The following C1QTNF7 variants were observed in gnomAD, a reference collection of about 807,000 sequenced individuals.
C1QTNF7 encodes C1q and TNF related 7.
C1QTNF7 carries 15 observed loss-of-function variants against 19.6 expected under a neutral mutation model. The observed-to-expected ratio is 0.76, with a 90% CI of 0.51 to 1.18. The LOEUF is 1.18. Among genes scored for constraint, C1QTNF7 ranks in the 50% most tolerant of loss-of-function variants. The probability of loss-of-function intolerance (pLI) is 0.00; values close to 1 mark genes in which losing one functional copy is unlikely to be tolerated. For synonymous variants in C1QTNF7, 142 were observed against 137.5 expected (o/e 1.03, Z -0.23); for missense variants, 324 against 359.7 (o/e 0.90, Z 0.80).
chr4:15,440,869 C>T (rs1009226256), intron 2 of C1QTNF7, among the ~76,000 whole-genome samples: 4 of 152,040 alleles, frequency 2.6e-5, no homozygotes, highest in Admixed American at 6.6e-5. Flanking sequence ...CCGGGCATGG[C>T]GGCTCAGGAC....
rs536775451 is a variant in C1QTNF7 at position 15,400,302 on chromosome 4, G to A, written c.14-35434G>A. 5.9e-5 allele frequency among the ~76,000 whole-genome samples: 9 copies of A among 152,314 alleles called. No homozygotes were observed. In the South Asian group the frequency reaches 1.0e-3, roughly 18 times the overall value. On this transcript the variant is annotated intron_variant, in intron 1 of 2. Coordinates refer to the C1QTNF7 transcript ENST00000295297. ...AAGATCTAAAGGCAGCAGCTCCCAC[G>A]GCTCTTTGAGGGATATAGATGATCA...
At chr4:15,379,175 T>G (rs6830482) in intron 1 of C1QTNF7, among the ~76,000 whole-genome samples, 73,219 of 151,992 alleles carry the variant, frequency 0.48, 19,244 homozygotes, top group African/African-American at 0.69. Context: ...AATTTTTTTG[T>G]AAACAAGTTC....
intron 1 of C1QTNF7, among the ~76,000 whole-genome samples, chr4:15,347,326 T>C (rs1180041242): frequency 6.6e-6 from 1 of 152,196 alleles, no homozygotes; most frequent in Non-Finnish European, 1.5e-5. Flanking sequence ...TCACCCTTCT[T>C]AATGTCTCGC....
chr4:15,365,657 G>A (rs978990690), intron 1 of C1QTNF7, among the ~76,000 whole-genome samples: 3 of 152,142 alleles, frequency 2.0e-5, no homozygotes, highest in African/African-American at 7.2e-5. Context: ...ATGTGTGTAG[G>A]ATCCAGGGGC....
Position 15,341,736 on chromosome 4 carries a change from G to A in C1QTNF7, c.13+1529G>A, listed in dbSNP as rs547034990. Among the ~76,000 whole-genome samples, 5 of 152,278 alleles carry A rather than the reference G, an allele frequency of 3.3e-5. 1 individual carries two copies. The South Asian group carries it at 6.2e-4, about 19-fold the overall frequency. The stretch of plus-strand genomic sequence containing the variant: ...CTCTCGGACCATCCCCAGGCTGGTC[G>A]GGGAAGCCCCCACCCTATTTGGAGT... On this transcript the variant is annotated intron_variant, in intron 1 of 2. Coordinates refer to the C1QTNF7 transcript ENST00000295297.
chr4:15,367,318 A>C (rs992016163), intron 1 of C1QTNF7, among the ~76,000 whole-genome samples: 3 of 152,250 alleles, frequency 2.0e-5, no homozygotes, highest in African/African-American at 7.2e-5. Flanking sequence ...AACTCCACTT[A>C]GGAAGCAAAT....
intron 1 of C1QTNF7, among the ~76,000 whole-genome samples, chr4:15,348,886 A>T (rs2109284761): frequency 6.6e-6 from 1 of 152,314 alleles, no homozygotes; most frequent in African/African-American, 2.4e-5. Flanking sequence ...TCCTAAATCA[A>T]CATGAACAGG....
intron 1 of C1QTNF7, among the ~76,000 whole-genome samples, chr4:15,345,067 C>T (rs550384977): frequency 6.6e-6 from 1 of 152,314 alleles, no homozygotes; most frequent in Non-Finnish European, 1.5e-5. Context: ...AAGTCTGAAT[C>T]TTATAAACAC....
chr4:15,405,566 A>G (rs1215329506), intron 1 of C1QTNF7, among the ~76,000 whole-genome samples: 2 of 152,178 alleles, frequency 1.3e-5, no homozygotes, highest in East Asian at 3.8e-4. Context: ...TGAGACCTGA[A>G]AGGCTCAGAG....
intron 1 of C1QTNF7, among the ~76,000 whole-genome samples, chr4:15,417,070 C>A (rs576809991): frequency 2.4e-4 from 36 of 152,218 alleles, no homozygotes; most frequent in Middle Eastern, 3.4e-3. Context: ...AAATACCCAC[C>A]TTTTATTCTT....
intron 1 of C1QTNF7, among the ~76,000 whole-genome samples, chr4:15,430,430 C>G (rs373716349): frequency 3.3e-5 from 5 of 152,240 alleles, no homozygotes; most frequent in African/African-American, 1.2e-4. Flanking sequence ...CTAAAAAATA[C>G]AAAAGTTAGC....
intron 1 of C1QTNF7, among the ~76,000 whole-genome samples, chr4:15,401,969 A>C (rs1719011357): frequency 6.6e-6 from 1 of 152,246 alleles, no homozygotes; most frequent in African/African-American, 2.4e-5. Context: ...ACAGAAAAAA[A>C]GGAACAGGAA....
At chr4:15,389,671 G>A (rs1010809757) in intron 1 of C1QTNF7, among the ~76,000 whole-genome samples, 1 of 151,974 alleles carries the variant, frequency 6.6e-6, no homozygotes, top group Non-Finnish European at 1.5e-5. Context: ...CACCTACCTC[G>A]GCCTCCCAAA....
chr4:15,408,535 T>C (rs1038935138), intron 1 of C1QTNF7, among the ~76,000 whole-genome samples: 2 of 152,046 alleles, frequency 1.3e-5, no homozygotes, highest in African/African-American at 4.8e-5. Flanking sequence ...TATGTATGTA[T>C]ATATGGATAA....
chr4:15,439,852 A>G (rs193089756), intron 2 of C1QTNF7, among the ~76,000 whole-genome samples: 2 of 152,154 alleles, frequency 1.3e-5, no homozygotes, highest in Admixed American at 1.3e-4. Context: ...TGTTATATAT[A>G]TAAAATCATT....
At chr4:15,369,035 C>T (rs1433428217) in intron 1 of C1QTNF7, among the ~76,000 whole-genome samples, 1 of 152,208 alleles carries the variant, frequency 6.6e-6, no homozygotes, top group Non-Finnish European at 1.5e-5. Context: ...ACCATCTCTG[C>T]AGGCTAGGAT....
intron 1 of C1QTNF7, among the ~76,000 whole-genome samples, chr4:15,342,423 C>T (rs1345688911): frequency 1.3e-5 from 2 of 152,196 alleles, no homozygotes; most frequent in Non-Finnish European, 2.9e-5. Context: ...AACCGAGTGT[C>T]CACTCTGTGC....
At chr4:15,429,857 T>C (rs1712229354) in intron 1 of C1QTNF7, among the ~76,000 whole-genome samples, 2 of 152,306 alleles carry the variant, frequency 1.3e-5, no homozygotes, top group Admixed American at 1.3e-4. Flanking sequence ...TATCCTGTTT[T>C]CCACAGGCGC....
intron 1 of C1QTNF7, among the ~76,000 whole-genome samples, chr4:15,420,705 C>T (rs934286098): frequency 2.0e-5 from 3 of 151,358 alleles, no homozygotes; most frequent in African/African-American, 4.9e-5. Flanking sequence ...CATGGCTGGA[C>T]AATGATGACT....
Sources: gnomAD v4.1 joint callset for allele counts (sites outside exome capture counted in the v4.1 genomes callset) on GRCh38, gnomAD v4.1.1 for gene constraint, MANE v1.5 for transcripts, NCBI Gene and HGNC (gene_info 2026-07-23, HGNC 2026-07-21) for gene names.